The following UNC5D variants were observed in gnomAD, a reference collection of about 807,000 sequenced individuals.
UNC5D encodes netrin receptor UNC5D.
UNC5D carries 39 observed loss-of-function variants against 105.4 expected under a neutral mutation model. The ratio of observed to expected loss-of-function variants is 0.37; its 90% CI spans 0.29 to 0.48. The LOEUF (loss-of-function observed/expected upper bound fraction) is 0.48, where lower values mean the gene tolerates loss of function less well. Among genes scored for constraint, UNC5D ranks in the 20% least tolerant of loss-of-function variants. The pLI is 0.98. For synonymous variants in UNC5D, 452 were observed against 450.4 expected, an observed-to-expected ratio of 1.00 and a Z score of -0.04; for missense variants, 991 against 1,202.4, an observed-to-expected ratio of 0.82 and a Z score of 2.60.
At chr8:35,434,415 AT>A (rs766121269) in intron 1 of UNC5D, among the ~76,000 whole-genome samples, 24 of 151,688 alleles carry the variant, frequency 1.6e-4, no homozygotes, top group South Asian at 4.1e-4. Flanking sequence ...GTAATTTTAA[AT>A]TTTTTTTTAT....
intron 1 of UNC5D, among the ~76,000 whole-genome samples, chr8:35,418,858 A>T (rs1391923209): frequency 6.6e-6 from 1 of 152,222 alleles, no homozygotes; most frequent in Non-Finnish European, 1.5e-5. Context: ...TTTTTGAGTC[A>T]GTAAACTGTT....
intron 1 of UNC5D, among the ~76,000 whole-genome samples, chr8:35,281,294 G>C (rs998533936): frequency 1.3e-5 from 2 of 152,118 alleles, no homozygotes; most frequent in Non-Finnish European, 2.9e-5. Flanking sequence ...TTTGATGACT[G>C]TCTGCATACT....
chr8:35,359,948 C>A (rs1225531558), intron 1 of UNC5D, among the ~76,000 whole-genome samples: 1 of 152,148 alleles, frequency 6.6e-6, no homozygotes, highest in Non-Finnish European at 1.5e-5. Flanking sequence ...AATAATTAGG[C>A]TCTCAGGTAT....
intron 1 of UNC5D, among the ~76,000 whole-genome samples, chr8:35,492,133 T>G (rs1336639607): frequency 6.6e-6 from 1 of 151,598 alleles, no homozygotes; most frequent in African/African-American, 2.4e-5. Context: ...AGGGTCCAAA[T>G]GTGAGTCTAT....
intron 1 of UNC5D, among the ~76,000 whole-genome samples, chr8:35,393,629 A>G (rs995825472): frequency 2.0e-5 from 3 of 152,224 alleles, no homozygotes; most frequent in African/African-American, 7.2e-5. Context: ...TCACCAAAGT[A>G]TAGAAGTCAG....
intron 3 of UNC5D, among the ~76,000 whole-genome samples, chr8:35,590,207 A>G (rs1251005778): frequency 6.6e-6 from 1 of 152,060 alleles, no homozygotes; most frequent in African/African-American, 2.4e-5. Context: ...AAGGCTGTTA[A>G]CCCTCTGCCC....
intron 1 of UNC5D, among the ~76,000 whole-genome samples, chr8:35,273,463 A>G (rs1805561936): frequency 6.6e-6 from 1 of 152,198 alleles, no homozygotes; most frequent in South Asian, 2.1e-4. Flanking sequence ...TATTATTAGG[A>G]TGAAAAAGCT....
intron 1 of UNC5D, among the ~76,000 whole-genome samples, chr8:35,512,662 A>G (rs1232949721): frequency 6.8e-6 from 1 of 147,540 alleles, no homozygotes; most frequent in Non-Finnish European, 1.5e-5. Flanking sequence ...TCTAGCTTCA[A>G]CAGTCTGCTC....
At chr8:35,315,795 G>T (rs934439101) in intron 1 of UNC5D, among the ~76,000 whole-genome samples, 3 of 152,178 alleles carry the variant, frequency 2.0e-5, no homozygotes, top group Admixed American at 1.3e-4. Flanking sequence ...CCAGTAAGTG[G>T]CAGGACTGGC....
chr8:35,564,309 G>GGT (rs1211133059), intron 2 of UNC5D, among the ~76,000 whole-genome samples: 2 of 152,122 alleles, frequency 1.3e-5, no homozygotes, highest in African/African-American at 2.4e-5. Flanking sequence ...ATGCTTCTTT[G>GGT]GTGAGACTCC....
At position 35,793,676 on chromosome 8, in the gene UNC5D, A is replaced by G. The variant is rs1397995223; in HGVS notation, c.*3113A>G. 2.0e-5 allele frequency: 3 copies of G among 152,738 alleles called. No individual in the cohort carries two copies. Among genetic ancestry groups the G allele is most frequent in the Non-Finnish European group, 4.4e-5 (3 of 68,138 alleles). 9.5% of individuals were successfully genotyped at this position (152,738 alleles called of 1,614,324 possible). A position where few individuals can be genotyped will look rare whatever the true frequency, so the allele number is the denominator to read the frequency against. On this transcript the variant is annotated 3_prime_UTR_variant, in exon 17 of 17. Coordinates refer to ENST00000404895, the MANE Select transcript of UNC5D (RefSeq NM_080872.4). The stretch of plus-strand genomic sequence containing the variant: ...ACAGTTTTTACAACATTGCTTCTAC[A>G]TTCTTACTGGTTTACATTAAAATCC...
At chr8:35,520,696 C>T (rs1239735147) in intron 1 of UNC5D, among the ~76,000 whole-genome samples, 3 of 152,008 alleles carry the variant, frequency 2.0e-5, no homozygotes, top group East Asian at 3.9e-4. Context: ...TGTGATAAAA[C>T]CATGAACATA....
intron 8 of UNC5D, among the ~76,000 whole-genome samples, chr8:35,706,774 CAG>C (rs1207718307): frequency 6.6e-6 from 1 of 152,158 alleles, no homozygotes; most frequent in Non-Finnish European, 1.5e-5. Context: ...ATCAGAATCT[CAG>C]AGTGTGGCTG....
At chr8:35,455,010 C>A (rs886693863) in intron 1 of UNC5D, among the ~76,000 whole-genome samples, 2 of 152,030 alleles carry the variant, frequency 1.3e-5, no homozygotes, top group African/African-American at 4.8e-5. Context: ...CATAATAAGG[C>A]TTACTTCTTT....
At chr8:35,249,659 A>T (rs1803560253) in intron 1 of UNC5D, among the ~76,000 whole-genome samples, 1 of 151,908 alleles carries the variant, frequency 6.6e-6, no homozygotes, top group African/African-American at 2.4e-5. Context: ...AGTTTCTTTT[A>T]AAGTGAATTC....
intron 1 of UNC5D, among the ~76,000 whole-genome samples, chr8:35,512,340 G>A (rs1812765281): frequency 6.6e-6 from 1 of 150,472 alleles, no homozygotes; most frequent in Non-Finnish European, 1.5e-5. Context: ...TGAGCAACAT[G>A]GTGAGACCCT....
chr8:35,262,952 G>A (rs1317992884), intron 1 of UNC5D, among the ~76,000 whole-genome samples: 1 of 152,114 alleles, frequency 6.6e-6, no homozygotes, highest in Non-Finnish European at 1.5e-5. Flanking sequence ...AAAAGCAACA[G>A]TAGTTCCTTA....
chr8:35,487,173 T>A (rs1044620051), intron 1 of UNC5D, among the ~76,000 whole-genome samples: 19 of 149,736 alleles, frequency 1.3e-4, no homozygotes, highest in African/African-American at 4.1e-4. Flanking sequence ...GCATTCCTGA[T>A]GAATGCCTCA....
intron 1 of UNC5D, among the ~76,000 whole-genome samples, chr8:35,298,970 A>C (rs967053964): frequency 6.6e-6 from 1 of 152,144 alleles, no homozygotes; most frequent in Non-Finnish European, 1.5e-5. Context: ...AAATTGGTAC[A>C]CCTGCAGTAC....
Sources: allele counts gnomAD v4.1 joint callset (sites outside exome capture counted in the v4.1 genomes callset), GRCh38; gene constraint gnomAD v4.1.1; transcripts MANE v1.5; gene names NCBI Gene and HGNC (gene_info 2026-07-23, HGNC 2026-07-21).